Variants in SNX29 observed in about 807,000 individuals in gnomAD.
The protein encoded by SNX29 is sorting nexin-29.
In SNX29, 78 loss-of-function variants were observed where a neutral mutation model predicts 102.1. The ratio of observed to expected loss-of-function variants is 0.76; its 90% CI spans 0.64 to 0.92. The LOEUF (loss-of-function observed/expected upper bound fraction) is 0.92, where lower values mean the gene tolerates loss of function less well. Ranked by LOEUF, SNX29 falls within the 40% of genes least tolerant of loss-of-function variation. The pLI, the probability that SNX29 is intolerant of heterozygous loss-of-function variation, is 0.00. For missense variants in SNX29, 1,280 were observed against 1,061.7 expected (o/e 1.21, Z -2.86); for synonymous variants, 580 against 414.5 (o/e 1.40, Z -4.85).
chr16:12,173,275 A>G lies in SNX29; in HGVS notation c.1596-26326A>G, dbSNP rs139320731. Among the ~76,000 whole-genome samples the G allele has an allele frequency of 1.6e-3, 247 of 152,308 alleles. 2 individuals are homozygous for G. Among genetic ancestry groups the G allele is most frequent in the Non-Finnish European group, 1.2e-3 (79 of 68,028 alleles). ...AACAGCCAGGCTTGCAGAGAGTTAC[A>G]TTCGTGGAGCAATGTTATATTCCCT... On this transcript the variant is annotated intron_variant, in intron 13 of 20. Transcript: ENST00000566228.
intron 18 of SNX29, among the ~76,000 whole-genome samples, chr16:12,416,370 A>G (rs989574012): frequency 2.4e-4 from 36 of 152,308 alleles, no homozygotes; most frequent in African/African-American, 8.2e-4. Context: ...CAGCAGGGTG[A>G]CTATGGTTAA....
chr16:12,431,219 AAGACG>A (rs1177828919), intron 18 of SNX29, among the ~76,000 whole-genome samples: 1 of 152,066 alleles, frequency 6.6e-6, no homozygotes, highest in Non-Finnish European at 1.5e-5. Flanking sequence ...CCCAGGCCCC[AAGACG>A]AGATGTCTGG....
At chr16:11,995,663 A>G (rs1174359480) in intron 1 of SNX29, among the ~76,000 whole-genome samples, 3 of 151,354 alleles carry the variant, frequency 2.0e-5, no homozygotes, top group Non-Finnish European at 4.4e-5. Context: ...AAAAAAAAAA[A>G]AGACATCGAG....
chr16:12,236,834 G>C (rs1010231766), intron 14 of SNX29, among the ~76,000 whole-genome samples: 3 of 152,222 alleles, frequency 2.0e-5, no homozygotes, highest in Admixed American at 2.0e-4. Context: ...AGTGGATTCT[G>C]AGTTGCTTGG....
At chr16:12,045,290 TC>T (rs2050040995) in intron 5 of SNX29, among the ~76,000 whole-genome samples, 1 of 152,208 alleles carries the variant, frequency 6.6e-6, no homozygotes, top group Non-Finnish European at 1.5e-5. Context: ...AGGTCATGTA[TC>T]CCTGACTTTG....
chr16:12,494,014 C>T (rs1460150460), intron 19 of SNX29, among the ~76,000 whole-genome samples: 2 of 152,098 alleles, frequency 1.3e-5, no homozygotes, highest in African/African-American at 4.8e-5. Context: ...GGCTATTTTT[C>T]TTCTGGGGTA....
chr16:12,560,628 C>A (rs765182761), intron 20 of SNX29: 1 of 153,740 alleles, frequency 6.5e-6, no homozygotes, highest in Admixed American at 6.5e-5. Flanking sequence ...CTTGTCACAT[C>A]CCCACCTTGT....
At chr16:12,273,429 G>A (rs2079151248) in intron 14 of SNX29, among the ~76,000 whole-genome samples, 1 of 151,646 alleles carries the variant, frequency 6.6e-6, no homozygotes, top group Non-Finnish European at 1.5e-5. Context: ...TGGGATCTCG[G>A]CTCACTGCAA....
chr16:12,186,527 A>C (rs556147820), intron 13 of SNX29, among the ~76,000 whole-genome samples: 6 of 152,178 alleles, frequency 3.9e-5, no homozygotes, highest in Non-Finnish European at 5.9e-5. Flanking sequence ...GAAATGTAAC[A>C]CTGGTGCAGT....
chr16:12,509,878 A>T (rs6498313), intron 19 of SNX29, among the ~76,000 whole-genome samples: 62,710 of 152,124 alleles, frequency 0.41, 13,459 homozygotes, highest in South Asian at 0.6. Context: ...TTATTCCCTC[A>T]TGTCCCTGTT....
At chr16:12,302,766 C>G (rs747374018) in intron 15 of SNX29, among the ~76,000 whole-genome samples, 4 of 152,172 alleles carry the variant, frequency 2.6e-5, no homozygotes, top group Non-Finnish European at 5.9e-5. Flanking sequence ...TAGGTAATAC[C>G]TTTTATAAAA....
chr16:12,241,537 G>A (rs1596604013), intron 14 of SNX29, among the ~76,000 whole-genome samples: 2 of 151,834 alleles, frequency 1.3e-5, no homozygotes, highest in Admixed American at 6.6e-5. Flanking sequence ...TTAGCTCACT[G>A]CAACCTCCAC....
At chr16:12,462,003 ATATATATATG>A (rs1160719835) in intron 18 of SNX29, among the ~76,000 whole-genome samples, 3 of 71,000 alleles carry the variant, frequency 4.2e-5, no homozygotes, top group East Asian at 1.0e-3. Flanking sequence ...ATATATATAT[ATATATATATG>A]TATACACACA....
chr16:12,272,663 C>G (rs1394047776), intron 14 of SNX29, among the ~76,000 whole-genome samples: 1 of 152,128 alleles, frequency 6.6e-6, no homozygotes, highest in Non-Finnish European at 1.5e-5. Context: ...TAAATCAAAA[C>G]TTTGCAGGTA....
chr16:12,426,092 T>C (rs2085067464), intron 18 of SNX29, among the ~76,000 whole-genome samples: 1 of 152,060 alleles, frequency 6.6e-6, no homozygotes, highest in Admixed American at 6.5e-5. Flanking sequence ...TTATTTTTTT[T>C]TTTTAAAAAG....
chr16:12,061,388 C>G, intron 8 of SNX29, 140 bp from the exon 9 acceptor site: 1 of 657,458 alleles, frequency 1.5e-6, no homozygotes, highest in East Asian at 2.7e-5. Flanking sequence ...CACGCTCTAC[C>G]TCCCAGCCCA....
chr16:12,050,131 A>G (rs2050243590), intron 7 of SNX29, among the ~76,000 whole-genome samples: 1 of 152,180 alleles, frequency 6.6e-6, no homozygotes, highest in Non-Finnish European at 1.5e-5. Flanking sequence ...GCTTTGTGTA[A>G]CAGACACTGA....
intron 14 of SNX29, among the ~76,000 whole-genome samples, chr16:12,251,402 A>G (rs2078418024): frequency 6.6e-6 from 1 of 152,228 alleles, no homozygotes; most frequent in Admixed American, 6.5e-5. Flanking sequence ...TGCACAAGCC[A>G]GCAATATAAG....
chr16:12,013,009 G>C (rs1354469611), intron 3 of SNX29, among the ~76,000 whole-genome samples: 1 of 151,980 alleles, frequency 6.6e-6, no homozygotes, highest in South Asian at 2.1e-4. Flanking sequence ...GGGTTGGGGT[G>C]GGTGGAGGAG....
Sources: allele counts gnomAD v4.1 joint callset (sites outside exome capture counted in the v4.1 genomes callset), GRCh38; gene constraint gnomAD v4.1.1; transcripts MANE v1.5; gene names NCBI Gene and HGNC (gene_info 2026-07-23, HGNC 2026-07-21).